Variants in RERG observed in about 807,000 individuals in gnomAD.
The protein encoded by RERG is ras-related and estrogen-regulated growth inhibitor.
In RERG, 25 loss-of-function variants were observed where a neutral mutation model predicts 23.2. The observed-to-expected ratio is 1.08, with a 90% CI of 0.79 to 1.50. The LOEUF (loss-of-function observed/expected upper bound fraction) is 1.50, where lower values mean the gene tolerates loss of function less well. Among genes scored for constraint, RERG ranks in the 40% most tolerant of loss-of-function variants. RERG has a pLI of 0.00. For synonymous variants in RERG, 81 were observed against 89.1 expected, an observed-to-expected ratio of 0.91 and a Z score of 0.51; for missense variants, 253 against 250.1, an observed-to-expected ratio of 1.01 and a Z score of -0.08.
intron 3 of RERG, among the ~76,000 whole-genome samples, chr12:15,114,307 C>G (rs894986133): frequency 6.6e-6 from 1 of 151,868 alleles, no homozygotes; most frequent in East Asian, 1.9e-4. Context: ...ATTAAATAGG[C>G]TAAAGACTGG....
chr12:15,140,321 A>G (rs1344253484), intron 2 of RERG, among the ~76,000 whole-genome samples: 1 of 152,160 alleles, frequency 6.6e-6, no homozygotes, highest in Non-Finnish European at 1.5e-5. Context: ...GGGCCCTCAC[A>G]GATACTCCCA....
chr12:15,137,801 A>C (rs900474305), intron 2 of RERG: 1 of 428,292 alleles, frequency 2.3e-6, no homozygotes, highest in Admixed American at 2.8e-5. Context: ...ATAAATTAAG[A>C]GTAAGAAAAA....
At chr12:15,133,146 G>GATATATATATATATATATATAT (rs376565973) in intron 2 of RERG, among the ~76,000 whole-genome samples, 30 of 125,204 alleles carry the variant, frequency 2.4e-4, no homozygotes, top group African/African-American at 9.0e-4. Flanking sequence ...ATCCTGTGGA[G>GATATATATATATATATATATAT]ATATATATAT....
At chr12:15,188,860 A>G (rs763280396) in intron 2 of RERG, among the ~76,000 whole-genome samples, 4 of 152,134 alleles carry the variant, frequency 2.6e-5, no homozygotes, top group Non-Finnish European at 5.9e-5. Flanking sequence ...CTCTATGGGC[A>G]GTAGTTATGG....
chr12:15,180,226 G>A (rs1008486593), intron 2 of RERG, among the ~76,000 whole-genome samples: 1 of 152,174 alleles, frequency 6.6e-6, no homozygotes, highest in African/African-American at 2.4e-5. Flanking sequence ...GCTGACATAT[G>A]TAGTGAACAA....
intron 2 of RERG, among the ~76,000 whole-genome samples, chr12:15,180,611 C>A (rs999480270): frequency 2.6e-5 from 4 of 152,314 alleles, no homozygotes; most frequent in South Asian, 2.1e-4. Context: ...TAACTGGAGG[C>A]ACAGACTTTG....
In RERG at chr12:15,217,494, G is replaced by T; in HGVS notation, c.-5C>A. ...GACCTCCGCACTTTTAGCCATGATGGGTGTTGGTAGACAATTTACTGTTGT... is the reference window on the plus strand; with the variant it reads ...GACCTCCGCACTTTTAGCCATGATGTGTGTTGGTAGACAATTTACTGTTGT... On this transcript the variant is annotated 5_prime_UTR_variant, in exon 2 of 5. Coordinates refer to ENST00000256953, the MANE Select transcript of RERG (RefSeq NM_032918.3). 4 of 1,607,944 alleles carry T rather than the reference G, an allele frequency of 2.5e-6. No homozygotes were observed. In the South Asian group the frequency reaches 4.4e-5, roughly 18 times the overall value.
Position 15,129,448 on chromosome 12 carries a change from ATC to A in RERG, c.62-8331_62-8330del, listed in dbSNP as rs1026922047. Among the ~76,000 whole-genome samples, 145 of 152,296 alleles carry A rather than the reference ATC, an allele frequency of 9.5e-4. 1 individual carries two copies. The highest frequency in any genetic ancestry group is 3.2e-3 in the African/African-American group (131 of 41,562). On this transcript the variant is annotated intron_variant, in intron 2 of 4. Coordinates refer to ENST00000256953, the MANE Select transcript of RERG (RefSeq NM_032918.3). Reference sequence around the variant, plus strand: ...TCCATTTTGATCTCCTATCAAATCTATCTCTCTTTCTCCACACATGTGACTTT... The same window carrying A: ...TCCATTTTGATCTCCTATCAAATCTATCTCTTTCTCCACACATGTGACTTT...
At chr12:15,153,410 C>T (rs1441414759) in intron 2 of RERG, among the ~76,000 whole-genome samples, 1 of 151,884 alleles carries the variant, frequency 6.6e-6, no homozygotes, top group Non-Finnish European at 1.5e-5. Context: ...ATAACAGGGC[C>T]CTAGACATGC....
intron 2 of RERG, 174 bp downstream of exon 2, chr12:15,217,255 G>A (rs987920356): frequency 2.3e-5 from 13 of 576,456 alleles, no homozygotes; most frequent in South Asian, 1.1e-4. Context: ...AAAAGGATAC[G>A]TAACAGTCGA....
chr12:15,136,834 A>G (rs567079040), intron 2 of RERG, among the ~76,000 whole-genome samples: 7 of 152,104 alleles, frequency 4.6e-5, no homozygotes, highest in African/African-American at 1.7e-4. Flanking sequence ...TATCTTATGA[A>G]TGTTCTGTGT....
chr12:15,174,667 C>T (rs1478045323), intron 2 of RERG, among the ~76,000 whole-genome samples: 1 of 151,892 alleles, frequency 6.6e-6, no homozygotes, highest in Non-Finnish European at 1.5e-5. Flanking sequence ...CTTTCTGTTT[C>T]TCACAATGGA....
intron 1 of RERG, among the ~76,000 whole-genome samples, chr12:15,220,197 T>G (rs1865494903): frequency 1.3e-5 from 2 of 152,234 alleles, no homozygotes; most frequent in Admixed American, 1.3e-4. Flanking sequence ...AGAAAATCCA[T>G]TTGTCCTAAT....
intron 1 of RERG, among the ~76,000 whole-genome samples, chr12:15,219,728 A>G (rs1382803): frequency 0.27 from 41,704 of 152,156 alleles, 6,009 homozygotes; most frequent in Non-Finnish European, 0.33. Flanking sequence ...TGCAGCTAGT[A>G]TAAACAATAA....
chr12:15,132,501 T>C (rs1864066624), intron 2 of RERG, among the ~76,000 whole-genome samples: 1 of 152,194 alleles, frequency 6.6e-6, no homozygotes, highest in Admixed American at 6.5e-5. Flanking sequence ...GCAATAAAGA[T>C]GTGCATGCAG....
At chr12:15,111,498 A>T (rs1863616524) in intron 3 of RERG, 81 bp from the exon 4 acceptor site, 1 of 1,089,836 alleles carries the variant, frequency 9.2e-7, no homozygotes, top group South Asian at 1.3e-5. Flanking sequence ...GAAAATGGGC[A>T]TGGGAGAAGT....
intron 2 of RERG, among the ~76,000 whole-genome samples, chr12:15,188,854 A>G (rs1865029504): frequency 6.6e-6 from 1 of 152,154 alleles, no homozygotes; most frequent in Non-Finnish European, 1.5e-5. Context: ...TCTGTTCTCT[A>G]TGGGCAGTAG....
chr12:15,145,778 T>C (rs1864322022), intron 2 of RERG, among the ~76,000 whole-genome samples: 1 of 152,238 alleles, frequency 6.6e-6, no homozygotes, highest in Non-Finnish European at 1.5e-5. Context: ...GAATTGGCCG[T>C]AAACCCACTA....
intron 2 of RERG, among the ~76,000 whole-genome samples, chr12:15,206,861 G>A (rs1865298474): frequency 6.6e-6 from 1 of 152,104 alleles, no homozygotes. Context: ...GTTGATCACT[G>A]TTAGGCACTT....
Sources: gnomAD v4.1 joint callset for allele counts (sites outside exome capture counted in the v4.1 genomes callset) on GRCh38, gnomAD v4.1.1 for gene constraint, MANE v1.5 for transcripts, NCBI Gene and HGNC (gene_info 2026-07-23, HGNC 2026-07-21) for gene names.